MACROD2: variants seen among roughly 807,000 people sequenced by gnomAD.
The protein encoded by MACROD2 is ADP-ribose glycohydrolase MACROD2.
MACROD2 carries 36 observed loss-of-function variants against 70.4 expected under a neutral mutation model. That is an observed-to-expected ratio of 0.51 (90% CI 0.39 to 0.68). The LOEUF (loss-of-function observed/expected upper bound fraction) is 0.68, where lower values mean the gene tolerates loss of function less well. Among genes scored for constraint, MACROD2 ranks in the 30% least tolerant of loss-of-function variants. MACROD2 has a pLI of 0.00. For missense variants in MACROD2, 496 were observed against 538.4 expected (o/e 0.92, Z 0.78); for synonymous variants, 172 against 178.8 (o/e 0.96, Z 0.30).
intron 5 of MACROD2, among the ~76,000 whole-genome samples, chr20:14,711,746 A>G (rs1191334497): frequency 2.0e-5 from 3 of 152,160 alleles, no homozygotes; most frequent in Admixed American, 1.3e-4. Flanking sequence ...CAATTGACTT[A>G]TAGAAACAGT....
intron 5 of MACROD2, among the ~76,000 whole-genome samples, chr20:14,689,902 A>C (rs913118668): frequency 3.9e-5 from 6 of 152,228 alleles, no homozygotes; most frequent in Non-Finnish European, 8.8e-5. Flanking sequence ...AAAGTGTCAA[A>C]CCTGGTTGAT....
At chr20:14,711,504 A>T (rs1252115092) in intron 5 of MACROD2, among the ~76,000 whole-genome samples, 1 of 152,154 alleles carries the variant, frequency 6.6e-6, no homozygotes, top group African/African-American at 2.4e-5. Context: ...AGACCAGGTG[A>T]TAGTTTATAT....
chr20:14,764,161 G>A (rs2072053865), intron 5 of MACROD2, among the ~76,000 whole-genome samples: 1 of 152,148 alleles, frequency 6.6e-6, no homozygotes, highest in Admixed American at 6.5e-5. Context: ...GAAGGAGAAG[G>A]AAAAGGTTGG....
At position 15,435,142 on chromosome 20, in the gene MACROD2, A is replaced by G. The variant is rs1271799217; in HGVS notation, c.571+3707A>G. ...ACCAAAGAATTTTTGCATGTAACCAAAAACCACATGTACCCCCAAAAATGT... is the reference window on the plus strand; with the variant it reads ...ACCAAAGAATTTTTGCATGTAACCAGAAACCACATGTACCCCCAAAAATGT... On this transcript the variant is annotated intron_variant, in intron 7 of 17. Coordinates refer to ENST00000684519, the MANE Select transcript of MACROD2 (RefSeq NM_001351661.2). 2.6e-5 allele frequency among the ~76,000 whole-genome samples: 4 copies of G among 152,134 alleles called. No homozygotes were observed. The East Asian group carries it at 5.8e-4, about 22-fold the overall frequency.
chr20:15,062,803 G>C (rs2075543557), intron 5 of MACROD2, among the ~76,000 whole-genome samples: 1 of 152,070 alleles, frequency 6.6e-6, no homozygotes, highest in African/African-American at 2.4e-5. Flanking sequence ...ATAGAACTTG[G>C]GACCAAGGAG....
chr20:14,072,402 A>C (rs1232693033), intron 2 of MACROD2, among the ~76,000 whole-genome samples: 1 of 120,252 alleles, frequency 8.3e-6, no homozygotes, highest in Non-Finnish European at 1.8e-5. Flanking sequence ...GATGAAGATC[A>C]TGGGCTGCCT....
chr20:15,256,927 C>T lies in MACROD2; in HGVS notation c.540+26866C>T, dbSNP rs551356758. Reference sequence around the variant, plus strand: ...CTGGCCCAGAAAAAGAGCCTATTTTCGGAAAAAAAAATTATTCTGCAACTT... The same window carrying T: ...CTGGCCCAGAAAAAGAGCCTATTTTTGGAAAAAAAAATTATTCTGCAACTT... On this transcript the variant is annotated intron_variant, in intron 6 of 17. Coordinates refer to ENST00000684519, the MANE Select transcript of MACROD2 (RefSeq NM_001351661.2). Among the ~76,000 whole-genome samples, 15 of 151,344 alleles carry T rather than the reference C, an allele frequency of 9.9e-5. No individual in the cohort carries two copies. The South Asian group carries it at 1.5e-3, about 15-fold the overall frequency.
chr20:14,823,212 T>G (rs1736134373), intron 5 of MACROD2, among the ~76,000 whole-genome samples: 1 of 152,124 alleles, frequency 6.6e-6, no homozygotes, highest in Non-Finnish European at 1.5e-5. Context: ...CTTCTCCCTA[T>G]TTGTAACTTG....
chr20:15,882,115 C>T (rs772346951), intron 9 of MACROD2, among the ~76,000 whole-genome samples: 2 of 152,024 alleles, frequency 1.3e-5, no homozygotes, highest in Admixed American at 6.6e-5. Flanking sequence ...GATAACTTCC[C>T]CTTTGCCCTC....
chr20:14,319,245 T>C (rs143388888), intron 3 of MACROD2, among the ~76,000 whole-genome samples: 3 of 152,198 alleles, frequency 2.0e-5, no homozygotes, highest in Non-Finnish European at 4.4e-5. Flanking sequence ...TCAGTGACTT[T>C]GTTCTCCTAG....
At chr20:14,658,682 C>A (rs1042496690) in intron 4 of MACROD2, among the ~76,000 whole-genome samples, 2 of 152,172 alleles carry the variant, frequency 1.3e-5, no homozygotes, top group African/African-American at 2.4e-5. Context: ...GGCACAATCT[C>A]GGCCCACTGC....
intron 8 of MACROD2, among the ~76,000 whole-genome samples, chr20:15,794,984 T>A (rs371655456): frequency 1.7e-4 from 26 of 152,136 alleles, no homozygotes; most frequent in African/African-American, 5.3e-4. Context: ...ACCCAACCAG[T>A]CTGCTGTTAT....
At chr20:14,754,795 ATTTT>A (rs11461670) in intron 5 of MACROD2, among the ~76,000 whole-genome samples, 6 of 143,760 alleles carry the variant, frequency 4.2e-5, no homozygotes, top group Non-Finnish European at 7.5e-5. Context: ...AGGTAAAGTG[ATTTT>A]TTTTTTTTTT....
intron 8 of MACROD2, among the ~76,000 whole-genome samples, chr20:15,835,407 A>C (rs2064102994): frequency 6.6e-6 from 1 of 152,148 alleles, no homozygotes; most frequent in Non-Finnish European, 1.5e-5. Flanking sequence ...ACTTAATATC[A>C]ATATGAATAA....
chr20:14,078,767 G>A (rs1335406790), intron 2 of MACROD2, among the ~76,000 whole-genome samples: 1 of 152,132 alleles, frequency 6.6e-6, no homozygotes, highest in Non-Finnish European at 1.5e-5. Context: ...CCTGGAAAAT[G>A]TCAAAGGATT....
At chr20:15,935,868 A>T (rs1044114718) in intron 11 of MACROD2, among the ~76,000 whole-genome samples, 3 of 152,332 alleles carry the variant, frequency 2.0e-5, no homozygotes, top group African/African-American at 4.8e-5. Flanking sequence ...ATAAGGAAAC[A>T]TAGAAGGAAT....
intron 7 of MACROD2, among the ~76,000 whole-genome samples, chr20:15,448,340 G>A (rs537633101): frequency 6.6e-6 from 1 of 152,168 alleles, no homozygotes; most frequent in South Asian, 2.1e-4. Context: ...GTTAATGGTG[G>A]TTAACAAGCA....
intron 5 of MACROD2, among the ~76,000 whole-genome samples, chr20:15,057,522 C>T (rs140858104): frequency 6.6e-6 from 1 of 152,206 alleles, no homozygotes; most frequent in Non-Finnish European, 1.5e-5. Context: ...CATATATGGC[C>T]TTCTACTCAG....
At chr20:15,160,442 A>G (rs2076340537) in intron 5 of MACROD2, among the ~76,000 whole-genome samples, 1 of 152,186 alleles carries the variant, frequency 6.6e-6, no homozygotes, top group Non-Finnish European at 1.5e-5. Context: ...TGGAGAGTAT[A>G]GTAGAGAACA....
Sources: gnomAD v4.1 joint callset for allele counts (sites outside exome capture counted in the v4.1 genomes callset) on GRCh38, gnomAD v4.1.1 for gene constraint, MANE v1.5 for transcripts, NCBI Gene and HGNC (gene_info 2026-07-23, HGNC 2026-07-21) for gene names.